Variants in TMCC1 observed in about 807,000 individuals in gnomAD.
TMCC1 encodes the protein transmembrane and coiled-coil domain family 1.
In TMCC1, 15 loss-of-function variants were observed where a neutral mutation model predicts 52.4. The ratio of observed to expected loss-of-function variants is 0.29; its 90% CI spans 0.19 to 0.44. The LOEUF (loss-of-function observed/expected upper bound fraction) is 0.44. TMCC1 is among the 20% of genes least tolerant of loss of function. TMCC1 has a pLI of 1.00. For missense variants in TMCC1, 503 were observed against 806.0 expected (o/e 0.62, Z 4.55); for synonymous variants, 279 against 301.9 (o/e 0.92, Z 0.79).
In TMCC1 at chr3:129,682,896, C is replaced by T. The variant is rs180995622; in HGVS notation, c.577-11632G>A. The stretch of plus-strand genomic sequence containing the variant: ...TGTTGCCTAGACTGGAGTGCAATGG[C>T]GCGATCTCGGCTCACCGCAATCTCC... On this transcript the variant is annotated intron_variant, in intron 4 of 6. Coordinates refer to ENST00000393238, the MANE Select transcript of TMCC1 (RefSeq NM_001017395.5). Among the ~76,000 whole-genome samples, 344 of 152,282 alleles carry T rather than the reference C, an allele frequency of 2.3e-3. 2 individuals are homozygous for T. Among genetic ancestry groups the T allele is most frequent in the Admixed American group, 5.6e-3 (85 of 15,300 alleles).
intron 3 of TMCC1, among the ~76,000 whole-genome samples, chr3:129,829,033 C>T (rs2058783973): frequency 1.3e-5 from 2 of 152,172 alleles, no homozygotes; most frequent in Admixed American, 6.5e-5. Context: ...AAGTGTGTTA[C>T]CATTCATATT....
Position 129,649,194 on chromosome 3 carries a change from T to C in TMCC1, c.*2287A>G, listed in dbSNP as rs1026732216. 3.9e-5 allele frequency: 6 copies of C among 152,210 alleles called. No individual in the cohort carries two copies. Among genetic ancestry groups the C allele is most frequent in the Admixed American group, 1.3e-4 (2 of 15,278 alleles). 9.4% of individuals were successfully genotyped at this position (152,210 alleles called of 1,614,324 possible). A position where few individuals can be genotyped will look rare whatever the true frequency, so the allele number is the denominator to read the frequency against. On this transcript the variant is annotated 3_prime_UTR_variant, in exon 7 of 7. Coordinates refer to ENST00000393238, the MANE Select transcript of TMCC1 (RefSeq NM_001017395.5). ...CTCAAAGGTTCTAGCTTAGAAAAAC[T>C]GGTGGATTGCTGCTAGGGCATCTTT...
intron 2 of TMCC1, among the ~76,000 whole-genome samples, chr3:129,855,303 T>C (rs971514732): frequency 3.9e-5 from 6 of 152,178 alleles, no homozygotes; most frequent in East Asian, 1.9e-4. Context: ...TAACACCTCA[T>C]TGAGTTTTTC....
intron 4 of TMCC1, among the ~76,000 whole-genome samples, chr3:129,770,977 A>C (rs1167212030): frequency 6.6e-6 from 1 of 152,242 alleles, no homozygotes; most frequent in East Asian, 1.9e-4. Context: ...TGGTCAAATC[A>C]ATTAAGAAAA....
chr3:129,846,882 A>G (rs1013684042), intron 2 of TMCC1, among the ~76,000 whole-genome samples: 3 of 150,040 alleles, frequency 2.0e-5, no homozygotes, highest in Non-Finnish European at 4.5e-5. Context: ...AAAAAAAAAA[A>G]AAAAAAAAAA....
At chr3:129,798,760 TTAACAAA>T (rs2057008753) in intron 4 of TMCC1, among the ~76,000 whole-genome samples, 1 of 152,226 alleles carries the variant, frequency 6.6e-6, no homozygotes, top group South Asian at 2.1e-4. Context: ...GAATAGCTCA[TTAACAAA>T]TAACAAAGTA....
chr3:129,761,775 G>A (rs2053616960), intron 4 of TMCC1, among the ~76,000 whole-genome samples: 1 of 152,086 alleles, frequency 6.6e-6, no homozygotes, highest in South Asian at 2.1e-4. Flanking sequence ...CGGATCATCT[G>A]AGGTCAGGAG....
In TMCC1 at chr3:129,801,111, G is replaced by A. The variant is rs535065773; in HGVS notation, c.576+26692C>T. Among the ~76,000 whole-genome samples, 21 of 152,036 alleles carry A rather than the reference G, an allele frequency of 1.4e-4. 1 individual carries two copies. The South Asian group carries it at 4.0e-3, about 29-fold the overall frequency. Reference sequence around the variant, plus strand: ...GCTGATTTTTTGTATTTTTAGTAGAGACAGGGTTTTACCATGTTAGCCAGG... The same window carrying A: ...GCTGATTTTTTGTATTTTTAGTAGAAACAGGGTTTTACCATGTTAGCCAGG... On this transcript the variant is annotated intron_variant, in intron 4 of 6. Coordinates refer to ENST00000393238, the MANE Select transcript of TMCC1 (RefSeq NM_001017395.5).
At chr3:129,729,675 T>C (rs2050389699) in intron 4 of TMCC1, among the ~76,000 whole-genome samples, 1 of 152,060 alleles carries the variant, frequency 6.6e-6, no homozygotes, top group South Asian at 2.1e-4. Flanking sequence ...AATAATAAAA[T>C]GAAAATATTG....
At chr3:129,712,185 CAAAT>C (rs1051814002) in intron 4 of TMCC1, among the ~76,000 whole-genome samples, 4 of 151,788 alleles carry the variant, frequency 2.6e-5, no homozygotes, top group Admixed American at 6.6e-5. Context: ...TCAAAATAAA[CAAAT>C]AAATAAAGAA....
At chr3:129,734,382 CTA>C (rs1310521564) in intron 4 of TMCC1, among the ~76,000 whole-genome samples, 2 of 152,116 alleles carry the variant, frequency 1.3e-5, no homozygotes, top group Non-Finnish European at 2.9e-5. Flanking sequence ...TAAAACAAAA[CTA>C]TATGTTTTTT....
chr3:129,792,846 G>GA (rs1201953340), intron 4 of TMCC1, among the ~76,000 whole-genome samples: 14 of 152,112 alleles, frequency 9.2e-5, no homozygotes, highest in African/African-American at 3.4e-4. Flanking sequence ...CTAAAGAGAG[G>GA]ATGCATCCCA....
intron 4 of TMCC1, among the ~76,000 whole-genome samples, chr3:129,749,091 T>G (rs1277306131): frequency 1.3e-5 from 2 of 151,886 alleles, no homozygotes; most frequent in East Asian, 3.9e-4. Flanking sequence ...AACAAATACT[T>G]GACAAAAGTT....
intron 4 of TMCC1, among the ~76,000 whole-genome samples, chr3:129,810,766 AC>A (rs1485478341): frequency 6.6e-6 from 1 of 152,232 alleles, no homozygotes; most frequent in African/African-American, 2.4e-5. Flanking sequence ...ATTTACAACA[AC>A]AAAATTAGGT....
At chr3:129,719,918 C>T (rs1462943667) in intron 4 of TMCC1, among the ~76,000 whole-genome samples, 5 of 152,040 alleles carry the variant, frequency 3.3e-5, no homozygotes, top group Admixed American at 6.6e-5. Context: ...GTGTCTCATG[C>T]CTGTAATCTC....
chr3:129,744,412 G>C (rs865992904), intron 4 of TMCC1, among the ~76,000 whole-genome samples: 2 of 151,486 alleles, frequency 1.3e-5, no homozygotes, highest in Middle Eastern at 3.5e-3. Flanking sequence ...CTCAGCGTCC[G>C]AAAGCACTGG....
chr3:129,768,893 G>A (rs2054328589), intron 4 of TMCC1, among the ~76,000 whole-genome samples: 1 of 152,116 alleles, frequency 6.6e-6, no homozygotes, highest in Non-Finnish European at 1.5e-5. Context: ...ACAGAAGCTT[G>A]TCAACAATGA....
At chr3:129,764,911 C>T (rs1222316082) in intron 4 of TMCC1, among the ~76,000 whole-genome samples, 2 of 147,442 alleles carry the variant, frequency 1.4e-5, no homozygotes, top group African/African-American at 5.0e-5. Context: ...AAGTGATCCT[C>T]CTTCCTCAGC....
At chr3:129,800,925 ATTTTTT>A (rs11394617) in intron 4 of TMCC1, among the ~76,000 whole-genome samples, 19 of 117,944 alleles carry the variant, frequency 1.6e-4, no homozygotes, top group African/African-American at 5.1e-4. Flanking sequence ...ATCTCACACT[ATTTTTT>A]TTTTTTTTTT....
Sources: gnomAD v4.1 joint callset for allele counts (sites outside exome capture counted in the v4.1 genomes callset) on GRCh38, gnomAD v4.1.1 for gene constraint, MANE v1.5 for transcripts, NCBI Gene and HGNC (gene_info 2026-07-23, HGNC 2026-07-21) for gene names.